The following FAM3C variants were observed in gnomAD, a reference collection of about 807,000 sequenced individuals.
The protein encoded by FAM3C is FAM3 metabolism regulating signaling molecule C.
A neutral mutation model predicts 32.5 loss-of-function variants in FAM3C; 15 were observed. That is an observed-to-expected ratio of 0.46 (90% CI 0.31 to 0.71). The LOEUF (loss-of-function observed/expected upper bound fraction) is 0.71, where lower values mean the gene tolerates loss of function less well. FAM3C is among the 30% of genes least tolerant of loss of function. FAM3C has a pLI of 0.05. For synonymous variants in FAM3C, 75 were observed against 86.1 expected (o/e 0.87, Z 0.72); for missense variants, 175 against 274.4 (o/e 0.64, Z 2.56).
At chr7:121,372,527 C>T (rs12111905) in intron 3 of FAM3C, among the ~76,000 whole-genome samples, 2,689 of 152,028 alleles carry the variant, frequency 0.018, 86 homozygotes, top group African/African-American at 0.061. Context: ...TGTACAGATA[C>T]GCAAAGAAAG....
At chr7:121,381,803 T>G (rs765960976) in intron 2 of FAM3C, among the ~76,000 whole-genome samples, 1 of 152,202 alleles carries the variant, frequency 6.6e-6, no homozygotes, top group Non-Finnish European at 1.5e-5. Context: ...TTAAAATTGC[T>G]TTATAATTTC....
intron 8 of FAM3C, among the ~76,000 whole-genome samples, chr7:121,359,474 G>A (rs1047003713): frequency 6.6e-6 from 1 of 152,012 alleles, no homozygotes; most frequent in African/African-American, 2.4e-5. Context: ...TGTGTCTTAA[G>A]TCATCTGGAA....
At chr7:121,357,689 C>T (rs1793841118) in intron 8 of FAM3C, among the ~76,000 whole-genome samples, 1 of 152,074 alleles carries the variant, frequency 6.6e-6, no homozygotes, top group South Asian at 2.1e-4. Flanking sequence ...CATATATTGA[C>T]CAAGTGACCA....
intron 5 of FAM3C, among the ~76,000 whole-genome samples, chr7:121,367,000 A>G (rs189846581): frequency 1.3e-5 from 2 of 152,326 alleles, no homozygotes; most frequent in African/African-American, 4.8e-5. Context: ...AAGGTAACAA[A>G]GAAGCACAAT....
At chr7:121,363,249 T>C (rs983375611) in intron 6 of FAM3C, among the ~76,000 whole-genome samples, 3 of 152,216 alleles carry the variant, frequency 2.0e-5, no homozygotes, top group Admixed American at 2.0e-4. Context: ...CGGTTAGATA[T>C]ATTTCATCGT....
At chr7:121,380,733 T>TTATATATATATGTATATATATATATATA (rs1794332713) in intron 2 of FAM3C, among the ~76,000 whole-genome samples, 3 of 133,982 alleles carry the variant, frequency 2.2e-5, no homozygotes, top group African/African-American at 5.5e-5. Flanking sequence ...TACAAACATT[T>TTATATATATATGTATATATATATATATA]TATATATATA....
At chr7:121,366,224 T>C (rs1023759183) in intron 5 of FAM3C, among the ~76,000 whole-genome samples, 1 of 152,092 alleles carries the variant, frequency 6.6e-6, no homozygotes, top group Non-Finnish European at 1.5e-5. Context: ...TATGTCCACA[T>C]AAAATGTGTA....
intron 5 of FAM3C, among the ~76,000 whole-genome samples, chr7:121,364,797 C>G (rs1413303096): frequency 6.6e-6 from 1 of 152,050 alleles, no homozygotes; most frequent in East Asian, 1.9e-4. Context: ...AGCTCACAGA[C>G]CACTATATAA....
At chr7:121,354,768 A>G (rs1305757035) in intron 8 of FAM3C, among the ~76,000 whole-genome samples, 5 of 152,212 alleles carry the variant, frequency 3.3e-5, no homozygotes, top group African/African-American at 1.2e-4. Context: ...AAGAGAACAT[A>G]TTATACAAAG....
chr7:121,374,111 C>G (rs1401959486), intron 3 of FAM3C, among the ~76,000 whole-genome samples: 1 of 151,816 alleles, frequency 6.6e-6, no homozygotes, highest in Non-Finnish European at 1.5e-5. Flanking sequence ...CTGAAAACAA[C>G]ACTACATTAC....
intron 5 of FAM3C, among the ~76,000 whole-genome samples, chr7:121,370,892 T>C (rs1794132076): frequency 6.6e-6 from 1 of 152,230 alleles, no homozygotes; most frequent in African/African-American, 2.4e-5. Flanking sequence ...ATGAACCACA[T>C]GTGGCCACTG....
At chr7:121,366,290 A>G (rs1202054199) in intron 5 of FAM3C, among the ~76,000 whole-genome samples, 2 of 152,208 alleles carry the variant, frequency 1.3e-5, no homozygotes, top group Non-Finnish European at 2.9e-5. Flanking sequence ...AACAACTCAA[A>G]TGTCTACCAA....
rs192458374 is a variant in FAM3C at position 121,368,696 on chromosome 7, T to C, written c.272+2604A>G. On this transcript the variant is annotated intron_variant, in intron 5 of 9. Coordinates refer to ENST00000359943, the MANE Select transcript of FAM3C (RefSeq NM_014888.3). Reference sequence around the variant, plus strand: ...ACCCTTTACCTGCGTGGCCTACAAGTTCCTATGCAGCCTGGCCCTAATTCA... The same window carrying C: ...ACCCTTTACCTGCGTGGCCTACAAGCTCCTATGCAGCCTGGCCCTAATTCA... Among the ~76,000 whole-genome samples the C allele has an allele frequency of 1.4e-4, 22 of 152,170 alleles. 1 individual carries two copies. The highest frequency in any genetic ancestry group is 1.4e-3 in the Admixed American group (22 of 15,294).
intron 3 of FAM3C, 60 bp from the exon 4 acceptor site, chr7:121,372,199 T>A (rs1441976713): frequency 3.5e-6 from 4 of 1,152,962 alleles, no homozygotes; most frequent in African/African-American, 3.1e-5. Context: ...TATCCACTTT[T>A]AAAATATATT....
At chr7:121,395,131 CTAA>C (rs1794658178) in intron 1 of FAM3C, among the ~76,000 whole-genome samples, 1 of 151,880 alleles carries the variant, frequency 6.6e-6, no homozygotes, top group South Asian at 2.1e-4. Flanking sequence ...AGTAAGCAAT[CTAA>C]TATTATTTAT....
intron 6 of FAM3C, 41 bp from the exon 7 acceptor site, chr7:121,362,988 TATATC>T (rs1482649007): frequency 8.6e-6 from 8 of 926,638 alleles, no homozygotes; most frequent in African/African-American, 1.7e-5. Context: ...GCATCTGAAA[TATATC>T]ATACACTGTA....
intron 5 of FAM3C, among the ~76,000 whole-genome samples, chr7:121,368,972 GTT>G (rs563834740): frequency 0.016 from 1,530 of 96,148 alleles, 9 homozygotes; most frequent in African/African-American, 0.029. Context: ...TGTTGTTGTT[GTT>G]TTTTTTTTTT....
chr7:121,366,292 G>A (rs1037131064), intron 5 of FAM3C, among the ~76,000 whole-genome samples: 2 of 152,234 alleles, frequency 1.3e-5, no homozygotes, highest in African/African-American at 4.8e-5. Context: ...CAACTCAAAT[G>A]TCTACCAACT....
intron 1 of FAM3C, among the ~76,000 whole-genome samples, chr7:121,389,297 C>G (rs976238465): frequency 6.6e-5 from 10 of 152,102 alleles, no homozygotes; most frequent in Non-Finnish European, 1.0e-4. Flanking sequence ...TTATTCTTTT[C>G]AGAAATCTGG....
Sources: gnomAD v4.1 joint callset for allele counts (sites outside exome capture counted in the v4.1 genomes callset) on GRCh38, gnomAD v4.1.1 for gene constraint, MANE v1.5 for transcripts, NCBI Gene and HGNC (gene_info 2026-07-23, HGNC 2026-07-21) for gene names.